EFCAB6: variants seen among roughly 807,000 people sequenced by gnomAD.
EFCAB6 encodes the protein EF-hand calcium binding domain 6, also known as EF-hand calcium-binding domain-containing protein 6.
In EFCAB6, 156 loss-of-function variants were observed where a neutral mutation model predicts 169.8. The ratio of observed to expected loss-of-function variants is 0.92; its 90% confidence interval spans 0.81 to 1.05. The LOEUF (loss-of-function observed/expected upper bound fraction) is 1.05. Among genes scored for constraint, EFCAB6 ranks in the 50% least tolerant of loss-of-function variants. EFCAB6 has a pLI of 0.00. For synonymous variants in EFCAB6, 698 were observed against 676.4 expected (o/e 1.03, Z -0.50); for missense variants, 1,800 against 1,829.1 (o/e 0.98, Z 0.29).
intron 2 of EFCAB6, among the ~76,000 whole-genome samples, chr22:43,803,206 G>C (rs961916296): frequency 6.6e-6 from 1 of 152,150 alleles, no homozygotes; most frequent in African/African-American, 2.4e-5. Context: ...GGACTTTCCA[G>C]TGAAACCACT....
At chr22:43,765,123 G>A (rs1032592566) in intron 5 of EFCAB6, among the ~76,000 whole-genome samples, 182 bp downstream of exon 5, 1 of 152,016 alleles carries the variant, frequency 6.6e-6, no homozygotes, top group African/African-American at 2.4e-5. Context: ...CTATATAGAT[G>A]CTAAAATCTT....
intron 21 of EFCAB6, among the ~76,000 whole-genome samples, chr22:43,609,745 C>T (rs933464892): frequency 6.6e-6 from 1 of 152,154 alleles, no homozygotes; most frequent in African/African-American, 2.4e-5. Context: ...CTCGACAAAG[C>T]GATTCAAAAC....
chr22:43,670,001 A>G (rs1345652489), intron 15 of EFCAB6, among the ~76,000 whole-genome samples: 1 of 150,316 alleles, frequency 6.7e-6, no homozygotes, highest in African/African-American at 2.5e-5. Flanking sequence ...GTGCTTTCTA[A>G]CATTTTTAAG....
chr22:43,751,842 C>T (rs1474479089), intron 6 of EFCAB6, among the ~76,000 whole-genome samples: 2 of 152,202 alleles, frequency 1.3e-5, no homozygotes, highest in African/African-American at 4.8e-5. Flanking sequence ...TTTCTCTCAG[C>T]TTCCTTCCAT....
intron 10 of EFCAB6, among the ~76,000 whole-genome samples, chr22:43,705,298 C>T (rs2058916226): frequency 6.6e-6 from 1 of 152,108 alleles, no homozygotes; most frequent in South Asian, 2.1e-4. Flanking sequence ...CAATACCCCA[C>T]TTTCAATAAT....
chr22:43,593,896 T>C (rs1215015778), intron 23 of EFCAB6, among the ~76,000 whole-genome samples: 5 of 152,160 alleles, frequency 3.3e-5, no homozygotes, highest in Non-Finnish European at 7.4e-5. Flanking sequence ...AGACGAAGGA[T>C]TGAGATCGTG....
intron 26 of EFCAB6, among the ~76,000 whole-genome samples, chr22:43,560,032 A>T (rs1004338858): frequency 6.6e-6 from 1 of 152,324 alleles, no homozygotes; most frequent in Non-Finnish European, 1.5e-5. Flanking sequence ...AGTAAAATTT[A>T]AAAAATGCCT....
chr22:43,601,010 T>C (rs1368009479), intron 22 of EFCAB6, among the ~76,000 whole-genome samples: 1 of 152,228 alleles, frequency 6.6e-6, no homozygotes, highest in Non-Finnish European at 1.5e-5. Flanking sequence ...AAAGGAATTA[T>C]GCTAAGGTTT....
At chr22:43,655,251 T>C (rs2148096388) in intron 17 of EFCAB6, among the ~76,000 whole-genome samples, 1 of 152,236 alleles carries the variant, frequency 6.6e-6, no homozygotes, top group South Asian at 2.1e-4. Context: ...AGCAAGACTC[T>C]GTCTCAAAAG....
At chr22:43,710,006 C>A (rs548196518) in intron 10 of EFCAB6, among the ~76,000 whole-genome samples, 1 of 152,178 alleles carries the variant, frequency 6.6e-6, no homozygotes, top group African/African-American at 2.4e-5. Flanking sequence ...TCTCATGCCT[C>A]TCCTTTCTAG....
intron 30 of EFCAB6, chr22:43,533,320 G>A (rs1260512859): frequency 6.6e-6 from 1 of 152,250 alleles, no homozygotes; most frequent in Non-Finnish European, 1.5e-5. Context: ...TAGTTCCAAT[G>A]TTGACCAGTG....
intron 11 of EFCAB6, 96 bp from the exon 12 acceptor site, chr22:43,683,951 G>GAGAAAGCTCTACTGTA: frequency 1.1e-6 from 1 of 894,282 alleles, no homozygotes; most frequent in Non-Finnish European, 1.8e-6. Context: ...CCACAATACA[G>GAGAAAGCTCTACTGTA]TAGAGCTTTC....
Position 43,744,518 on chromosome 22 carries a change from A to G in EFCAB6, c.508-8525T>C, listed in dbSNP as rs541775696. ...TGAATTTTCCATGGGTTAAGAGGAC[A>G]CCATGACAGGTAGAAATCTTGAGCT... On this transcript the variant is annotated intron_variant, in intron 6 of 31. Coordinates refer to ENST00000262726, the MANE Select transcript of EFCAB6 (RefSeq NM_022785.4). This position sits in a 1 kb window ranked among gnomAD's most constrained non-coding sequence, Gnocchi z 4.3. Among the ~76,000 whole-genome samples, 3 of 152,268 alleles carry G rather than the reference A, an allele frequency of 2.0e-5. No homozygotes were observed. The East Asian group carries it at 5.8e-4, about 29-fold the overall frequency.
rs146983197 is a variant in EFCAB6, at chr22:43,633,683, G to A, written c.2098+1419C>T. Among the ~76,000 whole-genome samples, 39 of 152,310 alleles carry A rather than the reference G, an allele frequency of 2.6e-4. No individual in the cohort carries two copies. In the East Asian group the frequency reaches 6.2e-3, roughly 24 times the overall value. On this transcript the variant is annotated intron_variant, in intron 18 of 31. Coordinates refer to ENST00000262726, the MANE Select transcript of EFCAB6 (RefSeq NM_022785.4). ...ACACACCAGGGACTTGGTTCCAGAC[G>A]TGGTTCTCTGCACCTGTTGCTCCTG...
chr22:43,529,070 G>T, intron 31 of EFCAB6, 95 bp from the exon 32 acceptor site: 4 of 1,360,540 alleles, frequency 2.9e-6, no homozygotes, highest in Non-Finnish European at 4.0e-6. Flanking sequence ...ACATCCACCT[G>T]ATCCCCAACC....
intron 15 of EFCAB6, 147 bp downstream of exon 15, chr22:43,671,826 G>T: frequency 1.1e-6 from 1 of 912,762 alleles, no homozygotes; most frequent in Non-Finnish European, 1.6e-6. Context: ...CTTAAGCAAT[G>T]TCCAGTGCTA....
chr22:43,699,166 A>G (rs975664222), intron 10 of EFCAB6, among the ~76,000 whole-genome samples: 6 of 152,142 alleles, frequency 3.9e-5, no homozygotes, highest in Non-Finnish European at 8.8e-5. Context: ...CATGACACGC[A>G]GGTGGGTTGC....
chr22:43,722,907 C>A (rs2401407), intron 8 of EFCAB6, among the ~76,000 whole-genome samples: 115,784 of 152,068 alleles, frequency 0.76, 44,218 homozygotes, highest in East Asian at 0.86. Context: ...TTTGCAGCAA[C>A]ATGCATGGAG....
chr22:43,748,444 G>T (rs2147804365), intron 6 of EFCAB6, among the ~76,000 whole-genome samples: 1 of 152,180 alleles, frequency 6.6e-6, no homozygotes, highest in South Asian at 2.1e-4. Flanking sequence ...CTTAGGCCAG[G>T]TTGCAATTCT....
Sources: allele counts gnomAD v4.1 joint callset (sites outside exome capture counted in the v4.1 genomes callset), GRCh38; gene constraint gnomAD v4.1.1; non-coding constraint Gnocchi (gnomAD v3.1); transcripts MANE v1.5; gene names NCBI Gene and HGNC (gene_info 2026-07-23, HGNC 2026-07-21).